The following BBOF1 variants were observed in gnomAD, a reference collection of about 807,000 sequenced individuals.
BBOF1 encodes the protein basal body orientation factor 1, also known as basal body-orientation factor 1.
In BBOF1, 62 loss-of-function variants were observed where a neutral mutation model predicts 68.0. That is an observed-to-expected ratio of 0.91 (90% CI 0.74 to 1.13). BBOF1 has a LOEUF of 1.13. BBOF1 is among the 50% of genes most tolerant of loss of function. The pLI, the probability that BBOF1 is intolerant of heterozygous loss-of-function variation, is 0.00. For missense variants in BBOF1, 534 were observed against 600.1 expected, an observed-to-expected ratio of 0.89 and a Z score of 1.15; for synonymous variants, 208 against 198.8, an observed-to-expected ratio of 1.05 and a Z score of -0.39.
chr14:74,068,153 G>A (rs2060498530), downstream of BBOF1, among the ~76,000 whole-genome samples: 1 of 152,066 alleles, frequency 6.6e-6, no homozygotes, highest in Non-Finnish European at 1.5e-5. Flanking sequence ...GGGAGGCTGA[G>A]GTGGGTGGAT....
In BBOF1 at chr14:74,049,990, A is replaced by T; in HGVS notation, c.1081A>T (p.Arg361Ter). The T allele has an allele frequency of 6.2e-7, 1 of 1,614,178 alleles. No individual in the cohort carries two copies. Among genetic ancestry groups the T allele is most frequent in the Non-Finnish European group, 8.5e-7 (1 of 1,180,046 alleles). ...ACTGGATGAGAGAACAGAAGTGGAA[A>T]GATTCTTTTTAGATGCTCTGCACCA... ...NILDERTEVE[R>*]FFLDALHQVK... The change falls in exon 8 of 12, where the codon AGA becomes TGA. Residue 361 changes from arginine (R) to a stop codon, truncating the protein, a stop_gained. Coordinates refer to ENST00000394009, the MANE Select transcript of BBOF1 (RefSeq NM_025057.3). LOFTEE classifies it high-confidence loss of function.
At chr14:74,066,611 C>CT, downstream of BBOF1, 1 of 1,240,714 alleles carries the variant, frequency 8.1e-7, no homozygotes, top group South Asian at 1.2e-5. Context: ...AGGTCTTAGT[C>CT]ATTAAGTATT....
chr14:74,019,673 C>A lies in BBOF1; in HGVS notation c.56+139C>A, dbSNP rs1594987704. 9 of 1,399,732 alleles carry A rather than the reference C, an allele frequency of 6.4e-6. No homozygotes were observed. The South Asian group carries it at 1.1e-4, about 17-fold the overall frequency. 86.7% of individuals were successfully genotyped at this position (1,399,732 alleles called of 1,614,324 possible). A position where few individuals can be genotyped will look rare whatever the true frequency, so the allele number is the denominator to read the frequency against. On this transcript the variant is annotated intron_variant, in intron 1 of 11. Transcript: ENST00000394009. ...CTCCCGGCTTGTGAGGATTACAGCT[C>A]CCATGTCCATAGTCTGGCAGATCTC... is the stretch of plus-strand genomic sequence containing the variant.
intron 5 of BBOF1, 173 bp downstream of exon 5, chr14:74,040,818 T>A (rs1228252316): frequency 1.8e-6 from 1 of 542,838 alleles, no homozygotes; most frequent in African/African-American, 2.0e-5. Flanking sequence ...GAAATCTCAA[T>A]ATCTAGTCCT....
At position 74,057,393 on chromosome 14, in the gene BBOF1, T is replaced by A; in HGVS notation, c.1578+135T>A. 3 of 1,539,182 alleles carry A rather than the reference T, an allele frequency of 1.9e-6. No individual in the cohort carries two copies. The South Asian group carries it at 3.6e-5, about 18-fold the overall frequency. On this transcript the variant is annotated intron_variant, in intron 11 of 11. Transcript: ENST00000394009. ...CAGTGGAATGAGTAATAAATAGCATTAGTAGATTACATAAATTTTTAAAGC... is the reference window on the plus strand; with the variant it reads ...CAGTGGAATGAGTAATAAATAGCATAAGTAGATTACATAAATTTTTAAAGC...
At chr14:74,071,693 C>T in intron 9 of BBOF1, 1 of 1,491,492 alleles carries the variant, frequency 6.7e-7, no homozygotes, top group Non-Finnish European at 9.0e-7. Flanking sequence ...TATGTATATA[C>T]CCACTGGAAG....
chr14:74,024,611 C>T (rs1410555475), intron 2 of BBOF1, among the ~76,000 whole-genome samples: 3 of 152,174 alleles, frequency 2.0e-5, no homozygotes, highest in East Asian at 1.9e-4. Flanking sequence ...ACTACAGGCA[C>T]GCACCTCCAT....
At chr14:74,025,527 A>G (rs2059403823) in intron 2 of BBOF1, among the ~76,000 whole-genome samples, 1 of 152,180 alleles carries the variant, frequency 6.6e-6, no homozygotes, top group African/African-American at 2.4e-5. Flanking sequence ...TGTTTTGAAA[A>G]CTATTTTATT....
chr14:74,043,555 T>G (rs1238864415), intron 5 of BBOF1, among the ~76,000 whole-genome samples: 1 of 45,784 alleles, frequency 2.2e-5, no homozygotes, highest in East Asian at 9.6e-4. Flanking sequence ...AGACTCCGTC[T>G]CAAAAAAAAA....
At chr14:74,059,077 T>TC (rs2060282041) in intron 11 of BBOF1, 1 of 129,056 alleles carries the variant, frequency 7.7e-6, no homozygotes, top group African/African-American at 4.4e-5. Context: ...AGAGTGAAAC[T>TC]CCATCTCAAA....
intron 4 of BBOF1, among the ~76,000 whole-genome samples, chr14:74,035,826 G>GCTAT (rs1424894049): frequency 6.6e-6 from 1 of 151,478 alleles, no homozygotes; most frequent in East Asian, 1.9e-4. Context: ...GTAGACAGAA[G>GCTAT]CTATCTTTTT....
Position 74,045,640 on chromosome 14 carries a change from C to G in BBOF1, c.577-420C>G, listed in dbSNP as rs1357738151. ...CATAGTAATTTTTAGACTGACCAAG[C>G]ACTTCTAATTTTTATTTTCTACACC... On this transcript the variant is annotated intron_variant, in intron 5 of 11. Coordinates refer to ENST00000394009, the MANE Select transcript of BBOF1 (RefSeq NM_025057.3). Among the ~76,000 whole-genome samples, 2 of 152,098 alleles carry G rather than the reference C, an allele frequency of 1.3e-5. 1 individual carries two copies. The highest frequency in any genetic ancestry group is 6.3e-3 in the Middle Eastern group (2 of 316).
chr14:74,075,066 T>C, intron 9 of BBOF1: 1 of 1,582,800 alleles, frequency 6.3e-7, no homozygotes, highest in Non-Finnish European at 8.7e-7. Flanking sequence ...CAGAAAGTTA[T>C]TTAAAATTTA....
chr14:74,067,597 G>A, downstream of BBOF1: 1 of 1,610,924 alleles, frequency 6.2e-7, no homozygotes, highest in Non-Finnish European at 8.5e-7. Context: ...AAGCACATGA[G>A]TCTTCCTTGG....
chr14:74,044,938 A>T (rs774241960), intron 5 of BBOF1, among the ~76,000 whole-genome samples: 16 of 152,116 alleles, frequency 1.1e-4, no homozygotes, highest in Non-Finnish European at 2.1e-4. Context: ...GGGTCTCCCT[A>T]TGTTGTTCAG....
rs552205793 is a variant in BBOF1 at position 74,073,412 on chromosome 14, T to A, written n.1380-4784T>A. Among the ~76,000 whole-genome samples, 25 of 142,792 alleles carry A rather than the reference T, an allele frequency of 1.8e-4. No individual in the cohort carries two copies. The South Asian group carries it at 5.2e-3, about 30-fold the overall frequency. 93.7% of individuals were successfully genotyped at this position (142,792 alleles called of 152,430 possible). A position where few individuals can be genotyped will look rare whatever the true frequency, so the allele number is the denominator to read the frequency against. ...GAGTCATCGTGCCCAGACTATAGTA[T>A]ATATTAAGATGTGGCACAGCCTCTC... On this transcript the variant is annotated intron_variant and non_coding_transcript_variant, in intron 9 of 12. Coordinates refer to the BBOF1 transcript ENST00000492026.
chr14:74,040,066 C>T (rs1460387837), intron 4 of BBOF1, among the ~76,000 whole-genome samples: 1 of 151,902 alleles, frequency 6.6e-6, no homozygotes, highest in African/African-American at 2.4e-5. Context: ...GGGCTCACTG[C>T]AGTCTCTGCC....
intron 11 of BBOF1, among the ~76,000 whole-genome samples, chr14:74,061,841 A>T (rs1487226304): frequency 6.6e-6 from 1 of 152,094 alleles, no homozygotes; most frequent in African/African-American, 2.4e-5. Context: ...CATTGTGCAG[A>T]TCTAACACTT....
rs1037922225 is a variant in BBOF1, at chr14:74,034,078, A to G, written c.402A>G (p.Gln134=). The G allele has an allele frequency of 9.3e-6, 15 of 1,608,866 alleles. No individual in the cohort carries two copies. The highest frequency in any genetic ancestry group is 1.2e-5 in the Non-Finnish European group (14 of 1,177,956). The change falls in exon 4 of 12, where the codon CAA becomes CAG. Residue 134 remains glutamine (Q), a synonymous_variant. Transcript: ENST00000394009. ...QINELEGQFH[Q]KAKEIGMIHT... ...ATGAACTAGAGGGACAGTTCCATCA[A>G]AAAGCCAAAGAAATTGGCATGATTC... is the stretch of plus-strand genomic sequence containing the variant.
Sources: allele counts gnomAD v4.1 joint callset (sites outside exome capture counted in the v4.1 genomes callset), GRCh38; gene constraint gnomAD v4.1.1; transcripts MANE v1.5; gene names NCBI Gene and HGNC (gene_info 2026-07-23, HGNC 2026-07-21).